RPS6KC1: variants seen among roughly 807,000 people sequenced by gnomAD.
RPS6KC1 encodes ribosomal protein S6 kinase C1.
RPS6KC1 carries 54 observed loss-of-function variants against 103.8 expected under a neutral mutation model. The observed-to-expected ratio is 0.52, with a 90% CI of 0.42 to 0.65. The LOEUF (loss-of-function observed/expected upper bound fraction) is 0.65. Among genes scored for constraint, RPS6KC1 ranks in the 30% least tolerant of loss-of-function variants. The pLI is 0.00. For synonymous variants in RPS6KC1, 439 were observed against 438.7 expected (o/e 1.00, Z -0.01); for missense variants, 1,151 against 1,253.8 (o/e 0.92, Z 1.24).
At chr1:213,075,515 C>G (rs1182115354) in intron 2 of RPS6KC1, among the ~76,000 whole-genome samples, 1 of 152,094 alleles carries the variant, frequency 6.6e-6, no homozygotes, top group African/African-American at 2.4e-5. Flanking sequence ...TCAGTTTTTG[C>G]TCTTCAACCC....
intron 14 of RPS6KC1, among the ~76,000 whole-genome samples, chr1:213,265,696 G>A (rs1037323972): frequency 3.3e-5 from 5 of 152,200 alleles, no homozygotes; most frequent in Admixed American, 3.3e-4. Flanking sequence ...AATCAACAGT[G>A]TAGTATGGTT....
chr1:213,177,097 C>A (rs74139152), intron 8 of RPS6KC1, among the ~76,000 whole-genome samples: 1 of 152,168 alleles, frequency 6.6e-6, no homozygotes, highest in Non-Finnish European at 1.5e-5. Context: ...CCTCACTTCA[C>A]ACCCACATGC....
the RPS6KC1 span, among the ~76,000 whole-genome samples, chr1:213,344,865 T>C: frequency 5.9e-5 from 9 of 152,210 alleles, no homozygotes; most frequent in African/African-American, 2.2e-4. Flanking sequence ...AACTAGAATG[T>C]ATTCTCCATG....
At chr1:213,669,886 G>A in the RPS6KC1 span, among the ~76,000 whole-genome samples, 2 of 151,922 alleles carry the variant, frequency 1.3e-5, no homozygotes, top group Non-Finnish European at 2.9e-5. Flanking sequence ...ACCCTATAAG[G>A]TTCACACTTT....
chr1:213,301,774 C>A, the RPS6KC1 span, among the ~76,000 whole-genome samples: 26 of 150,874 alleles, frequency 1.7e-4, no homozygotes, highest in African/African-American at 5.9e-4. Context: ...TCTCTGTCGC[C>A]CAGGCTACTA....
the RPS6KC1 span, among the ~76,000 whole-genome samples, chr1:213,467,870 TTTC>T: frequency 3.3e-5 from 5 of 152,238 alleles, no homozygotes; most frequent in African/African-American, 1.2e-4. Context: ...CAGATTTGCA[TTTC>T]ATTTCTGGTG....
At chr1:213,376,459 G>C in the RPS6KC1 span, among the ~76,000 whole-genome samples, 1 of 151,502 alleles carries the variant, frequency 6.6e-6, no homozygotes, top group Non-Finnish European at 1.5e-5. Context: ...GCTATCATGA[G>C]TAATGCGATG....
At chr1:213,733,552 T>TTG in the RPS6KC1 span, among the ~76,000 whole-genome samples, 1 of 151,366 alleles carries the variant, frequency 6.6e-6, no homozygotes, top group African/African-American at 2.4e-5. Context: ...TAGTTTGTTT[T>TTG]TTTTTTTTTT....
chr1:213,662,403 A>C, the RPS6KC1 span, among the ~76,000 whole-genome samples: 1 of 150,748 alleles, frequency 6.6e-6, no homozygotes, highest in Admixed American at 6.6e-5. Context: ...CTAGGATTAC[A>C]GGCATGTGCC....
At chr1:213,170,226 A>G (rs543599563) in intron 7 of RPS6KC1, among the ~76,000 whole-genome samples, 1 of 152,346 alleles carries the variant, frequency 6.6e-6, no homozygotes, top group African/African-American at 2.4e-5. Flanking sequence ...ATATCTATGA[A>G]GCAATAATTT....
chr1:213,495,162 T>G, the RPS6KC1 span, among the ~76,000 whole-genome samples: 1 of 152,226 alleles, frequency 6.6e-6, no homozygotes, highest in South Asian at 2.1e-4. Context: ...GATGTTCTAC[T>G]GAGGGAGTCT....
the RPS6KC1 span, among the ~76,000 whole-genome samples, chr1:213,585,745 T>TG: frequency 2.6e-5 from 4 of 152,130 alleles, no homozygotes; most frequent in Non-Finnish European, 5.9e-5. Flanking sequence ...CAGGAGACTG[T>TG]CTGCCATGGA....
At chr1:213,120,306 T>TG (rs1456153950) in intron 5 of RPS6KC1, among the ~76,000 whole-genome samples, 11 of 152,208 alleles carry the variant, frequency 7.2e-5, no homozygotes, top group Non-Finnish European at 1.2e-4. Context: ...CTTTAAAAGT[T>TG]GCATGCCTGG....
chr1:213,667,589 C>T, the RPS6KC1 span, among the ~76,000 whole-genome samples: 9,251 of 152,204 alleles, frequency 0.061, 801 homozygotes, highest in African/African-American at 0.19. Context: ...AGGGTGGTGA[C>T]TGCTGAAGGT....
intron 2 of RPS6KC1, among the ~76,000 whole-genome samples, chr1:213,075,144 C>A (rs1285405486): frequency 6.6e-6 from 1 of 152,044 alleles, no homozygotes; most frequent in Non-Finnish European, 1.5e-5. Context: ...AGCCACCACG[C>A]CCGGCCTAGA....
At chr1:213,209,831 C>G (rs535283605) in intron 8 of RPS6KC1, among the ~76,000 whole-genome samples, 1 of 151,080 alleles carries the variant, frequency 6.6e-6, no homozygotes, top group Admixed American at 6.6e-5. Context: ...GTAGGCTATT[C>G]GTGAGTTTTT....
chr1:213,112,835 A>G (rs994325660), intron 4 of RPS6KC1, among the ~76,000 whole-genome samples: 6 of 151,538 alleles, frequency 4.0e-5, no homozygotes, highest in African/African-American at 1.2e-4. Context: ...TGTTCTTGCT[A>G]TAGTTTACTG....
At chr1:213,331,048 GA>G in the RPS6KC1 span, among the ~76,000 whole-genome samples, 1 of 152,072 alleles carries the variant, frequency 6.6e-6, no homozygotes, top group African/African-American at 2.4e-5. Context: ...TGTTAGTAAA[GA>G]AAAAAATAAA....
At chr1:213,117,294 C>A in intron 4 of RPS6KC1, 23 bp from the exon 5 acceptor site, 1 of 1,384,314 alleles carries the variant, frequency 7.2e-7, no homozygotes, top group South Asian at 1.2e-5. Context: ...GCTAATGAAA[C>A]ACAATTGCTC....
Sources: allele counts gnomAD v4.1 joint callset (sites outside exome capture counted in the v4.1 genomes callset), GRCh38; gene constraint gnomAD v4.1.1; transcripts MANE v1.5; gene names NCBI Gene and HGNC (gene_info 2026-07-23, HGNC 2026-07-21).